The following SART3 variants were observed in gnomAD, a reference collection of about 807,000 sequenced individuals.
The protein encoded by SART3 is spliceosome associated factor 3, U4/U6 recycling protein.
SART3 carries 44 observed loss-of-function variants against 122.3 expected under a neutral mutation model. That is an observed-to-expected ratio of 0.36 (90% CI 0.28 to 0.46). The LOEUF (loss-of-function observed/expected upper bound fraction) is 0.46. SART3 is among the 20% of genes least tolerant of loss of function. The pLI, the probability that SART3 is intolerant of heterozygous loss-of-function variation, is 1.00. For missense variants in SART3, 1,101 were observed against 1,229.0 expected (o/e 0.90, Z 1.56); for synonymous variants, 442 against 454.0 (o/e 0.97, Z 0.34).
intron 12 of SART3, among the ~76,000 whole-genome samples, chr12:108,533,469 A>G (rs1872774917): frequency 6.6e-6 from 1 of 151,900 alleles, no homozygotes; most frequent in South Asian, 2.1e-4. Flanking sequence ...TTTTTACTTG[A>G]AAGGAAACTT....
chr12:108,547,365 G>C (rs1873473932), intron 3 of SART3, among the ~76,000 whole-genome samples: 1 of 152,174 alleles, frequency 6.6e-6, no homozygotes, highest in African/African-American at 2.4e-5. Context: ...ATCTACACAT[G>C]TAATAAAATG....
chr12:108,559,210 G>A (rs2030365332), intron 1 of SART3, among the ~76,000 whole-genome samples: 1 of 152,160 alleles, frequency 6.6e-6, no homozygotes, highest in Non-Finnish European at 1.5e-5. Context: ...CTGACACTCA[G>A]TAAGGTTTAA....
chr12:108,528,420 T>C (rs1018672659), intron 15 of SART3, among the ~76,000 whole-genome samples: 29 of 146,126 alleles, frequency 2.0e-4, no homozygotes, highest in Non-Finnish European at 4.2e-4. Flanking sequence ...GAGGCGGAGG[T>C]TGCAGTGAGC....
At chr12:108,559,423 C>G (rs978414327) in intron 1 of SART3, among the ~76,000 whole-genome samples, 5 of 152,096 alleles carry the variant, frequency 3.3e-5, no homozygotes, top group Admixed American at 2.6e-4. Flanking sequence ...CTCAGCACTA[C>G]GGGAGGCCAA....
Position 108,543,279 on chromosome 12 carries a change from A to C in SART3, c.782-127T>G, listed in dbSNP as rs145843065. 300 of 1,132,082 alleles carry C rather than the reference A, an allele frequency of 2.6e-4. No homozygotes were observed. In the African/African-American group the frequency reaches 4.3e-3, roughly 16 times the overall value. The allele number at this position is 1,132,082 out of a possible 1,614,324, so 70.1% of individuals were successfully genotyped here. On this transcript the variant is annotated intron_variant, in intron 5 of 18. Coordinates refer to ENST00000546815, the MANE Select transcript of SART3 (RefSeq NM_014706.4). Reference sequence around the variant, plus strand: ...ATCTGTGGCATGGCAGCTCTTACTGATCAAATTCTGATTTCTGCTGAGCCC... The same window carrying C: ...ATCTGTGGCATGGCAGCTCTTACTGCTCAAATTCTGATTTCTGCTGAGCCC...
chr12:108,524,228 T>C, intron 18 of SART3, 88 bp downstream of exon 18: 1 of 1,125,238 alleles, frequency 8.9e-7, no homozygotes, highest in Non-Finnish European at 1.3e-6. Context: ...AACAGGAAGC[T>C]AATTCATCCC....
intron 12 of SART3, among the ~76,000 whole-genome samples, chr12:108,533,175 C>A (rs1159046145): frequency 6.6e-6 from 1 of 152,056 alleles, no homozygotes; most frequent in Non-Finnish European, 1.5e-5. Context: ...TCTCCCAGAG[C>A]CTCTCAGGGG....
At chr12:108,544,314 AC>A in intron 5 of SART3, 112 bp downstream of exon 5, 1 of 929,828 alleles carries the variant, frequency 1.1e-6, no homozygotes, top group Non-Finnish European at 1.8e-6. Context: ...GAGAGTAAGA[AC>A]ACCAGCTTTA....
At chr12:108,538,805 A>T in intron 7 of SART3, 129 bp downstream of exon 7, 1 of 1,131,866 alleles carries the variant, frequency 8.8e-7, no homozygotes, top group Admixed American at 2.0e-5. Flanking sequence ...CGAGTTGGCA[A>T]AGAGGAGAAA....
At chr12:108,528,106 A>G (rs567950583) in intron 15 of SART3, among the ~76,000 whole-genome samples, 2 of 152,306 alleles carry the variant, frequency 1.3e-5, no homozygotes, top group East Asian at 1.9e-4. Context: ...TCTGAAATAA[A>G]TATGACCCAG....
chr12:108,560,569 A>G (rs1160331), intron 1 of SART3: 453,786 of 456,738 alleles, frequency 0.99, 225,431 homozygotes, highest in East Asian at 1. Flanking sequence ...TTGAGCAAGA[A>G]ACTTTCCTCC....
intron 1 of SART3, chr12:108,560,557 T>G (rs956984373): frequency 1.8e-5 from 8 of 452,736 alleles, no homozygotes; most frequent in Non-Finnish European, 2.3e-5. Context: ...GGAAGTGTTA[T>G]CTTGAGCAAG....
intron 1 of SART3, among the ~76,000 whole-genome samples, chr12:108,559,935 C>A (rs1214465285): frequency 6.6e-6 from 1 of 152,202 alleles, no homozygotes; most frequent in Non-Finnish European, 1.5e-5. Context: ...ACAAAGTTAT[C>A]AGCAGGTCTC....
At chr12:108,530,568 T>C (rs1251773032) in intron 14 of SART3, among the ~76,000 whole-genome samples, 1 of 152,034 alleles carries the variant, frequency 6.6e-6, no homozygotes, top group Non-Finnish European at 1.5e-5. Context: ...AAAAAATCCA[T>C]AAAACTGGCC....
In SART3 at chr12:108,530,152, A is replaced by G. The variant is rs1872599508; in HGVS notation, c.1905T>C (p.Asp635=). The G allele has an allele frequency of 6.2e-7, 1 of 1,614,056 alleles. No individual in the cohort carries two copies. The highest frequency in any genetic ancestry group is 8.5e-7 in the Non-Finnish European group (1 of 1,180,018). Residue 635 remains aspartate, a synonymous_variant, in exon 15 of 19, where the codon GAT becomes GAC. Coordinates refer to ENST00000546815, the MANE Select transcript of SART3 (RefSeq NM_014706.4). ...TCAAGAGCTCCTTACCTTCTTCATC[A>G]TCGCCCCACTCTTTCTCATCATCCT... ...ADEDDEKEWG[D]DEEEQPSKRR...
intron 1 of SART3, among the ~76,000 whole-genome samples, chr12:108,559,402 A>T (rs996278351): frequency 6.6e-6 from 1 of 152,222 alleles, no homozygotes; most frequent in Non-Finnish European, 1.5e-5. Flanking sequence ...GTAGCGGCTC[A>T]CACCTGTAAT....
chr12:108,534,579 C>G (rs1372668484), intron 12 of SART3, among the ~76,000 whole-genome samples: 1 of 152,028 alleles, frequency 6.6e-6, no homozygotes, highest in Admixed American at 6.5e-5. Context: ...ACTCAAGAGG[C>G]TGAGGCAGAA....
At position 108,536,700 on chromosome 12, in the gene SART3, A is replaced by C. The variant is rs775930108; in HGVS notation, c.1387+8T>G. On this transcript the variant is annotated splice_region_variant and intron_variant, in intron 10 of 18. Transcript: ENST00000546815. ...ACTGGGCAAAACCACAGGCTGGGGC[A>C]TACTTACGCTCTTCCACCTCCTGCT... 6.2e-7 allele frequency: 1 copy of C among 1,613,930 alleles called. No individual in the cohort carries two copies. The highest frequency in any genetic ancestry group is 1.7e-5 in the Admixed American group (1 of 60,022).
At position 108,522,996 on chromosome 12, in the gene SART3, C is replaced by A; in HGVS notation, c.*461G>T. 5.5e-6 allele frequency: 1 copy of A among 180,680 alleles called. No individual in the cohort carries two copies. Among genetic ancestry groups the A allele is most frequent in the South Asian group, 1.2e-4 (1 of 8,286 alleles). 11.2% of individuals were successfully genotyped at this position (180,680 alleles called of 1,614,324 possible). A position where few individuals can be genotyped will look rare whatever the true frequency, so the allele number is the denominator to read the frequency against. On this transcript the variant is annotated 3_prime_UTR_variant, in exon 19 of 19. Coordinates refer to ENST00000546815, the MANE Select transcript of SART3 (RefSeq NM_014706.4). Reference sequence around the variant, plus strand: ...TTTTATAGCTGACTTCCCTCAGACCCACCCCCACAAGAGGCCATTCTGTGA... The same window carrying A: ...TTTTATAGCTGACTTCCCTCAGACCAACCCCCACAAGAGGCCATTCTGTGA...
Sources: allele counts gnomAD v4.1 joint callset (sites outside exome capture counted in the v4.1 genomes callset), GRCh38; gene constraint gnomAD v4.1.1; transcripts MANE v1.5; gene names NCBI Gene and HGNC (gene_info 2026-07-23, HGNC 2026-07-21).